The following SAMD12 variants were observed in gnomAD, a reference collection of about 807,000 sequenced individuals.
SAMD12 encodes the protein sterile alpha motif domain-containing protein 12.
Under a neutral mutation model 15.0 loss-of-function variants are expected in SAMD12, and 9 were observed. That is an observed-to-expected ratio of 0.60 (90% CI 0.36 to 1.05). The LOEUF (loss-of-function observed/expected upper bound fraction) is 1.05, where lower values mean the gene tolerates loss of function less well. SAMD12 is among the 50% of genes least tolerant of loss of function. The pLI is 0.01. For synonymous variants in SAMD12, 86 were observed against 90.1 expected (o/e 0.96, Z 0.25); for missense variants, 230 against 234.2 (o/e 0.98, Z 0.12).
intron 4 of SAMD12, among the ~76,000 whole-genome samples, chr8:118,302,540 G>A (rs1815103860): frequency 6.6e-6 from 1 of 152,162 alleles, no homozygotes; most frequent in Admixed American, 6.5e-5. Flanking sequence ...CATAATCCAT[G>A]TCCTGGTTCT....
chr8:118,205,676 C>A (rs1056857339), intron 4 of SAMD12, among the ~76,000 whole-genome samples: 11 of 152,188 alleles, frequency 7.2e-5, no homozygotes, highest in Admixed American at 3.9e-4. Context: ...GCCTCCACCC[C>A]CACCCTCTCA....
intron 2 of SAMD12, among the ~76,000 whole-genome samples, chr8:118,472,547 C>T (rs959352584): frequency 4.6e-5 from 7 of 151,848 alleles, no homozygotes; most frequent in African/African-American, 1.2e-4. Flanking sequence ...TGGCAGCCTG[C>T]GCCTGTATTC....
intron 4 of SAMD12, among the ~76,000 whole-genome samples, chr8:118,232,475 T>C (rs887627927): frequency 2.0e-5 from 3 of 151,880 alleles, no homozygotes; most frequent in Admixed American, 6.6e-5. Context: ...GAGGGCAAAG[T>C]TGGGGAATGG....
rs988108920 is a variant in SAMD12, at chr8:118,378,903, T to A, written c.*514A>T. ...ATATTGAAGTTATTTATAATTCCTG[T>A]TAAGAATTATATACTCTTAACAGTG... On this transcript the variant is annotated 3_prime_UTR_variant, in exon 4 of 4. Coordinates refer to ENST00000314727, the MANE Select transcript of SAMD12 (RefSeq NM_207506.3). The A allele has an allele frequency of 4.2e-6, 4 of 946,084 alleles. No individual in the cohort carries two copies. Among genetic ancestry groups the A allele is most frequent in the Non-Finnish European group, 5.0e-6 (4 of 794,116 alleles). The allele number at this position is 946,084 out of a possible 1,614,324, so 58.6% of individuals were successfully genotyped here.
intron 4 of SAMD12, among the ~76,000 whole-genome samples, chr8:118,344,973 T>C (rs1218163110): frequency 6.6e-6 from 1 of 152,184 alleles, no homozygotes; most frequent in Non-Finnish European, 1.5e-5. Flanking sequence ...TGTGCAGTGT[T>C]TATAAAGTGT....
At chr8:118,580,626 A>C in intron 2 of SAMD12, 89 bp downstream of exon 2, 1 of 861,282 alleles carries the variant, frequency 1.2e-6, no homozygotes, top group South Asian at 1.7e-5. Context: ...TAATTAGTGA[A>C]AGCACTATCA....
At chr8:118,483,486 C>G (rs1824187637) in intron 2 of SAMD12, among the ~76,000 whole-genome samples, 1 of 152,182 alleles carries the variant, frequency 6.6e-6, no homozygotes, top group Non-Finnish European at 1.5e-5. Context: ...TCATTCAACT[C>G]TTGCAGTACT....
At position 118,333,477 on chromosome 8, in the gene SAMD12, C is replaced by T. The variant is rs116094320; in HGVS notation, c.433+46083G>A. ...AGAAGGGATGTTCATGAATAGCTGA[C>T]GTTGATGTTAAAATATTCCCTAGTT... On this transcript the variant is annotated intron_variant, in intron 4 of 4. Transcript: ENST00000409003. 4.6e-3 allele frequency among the ~76,000 whole-genome samples: 699 copies of T among 152,062 alleles called. 5 individuals carry two copies. The highest frequency in any genetic ancestry group is 0.016 in the African/African-American group (657 of 41,486).
intron 4 of SAMD12, among the ~76,000 whole-genome samples, chr8:118,275,300 C>T (rs931959855): frequency 1.3e-5 from 2 of 152,106 alleles, no homozygotes; most frequent in African/African-American, 4.8e-5. Context: ...TTAGCTCTAT[C>T]AATTAAAAAA....
chr8:118,135,690 G>T, the SAMD12 span, among the ~76,000 whole-genome samples: 1 of 152,168 alleles, frequency 6.6e-6, no homozygotes, highest in Non-Finnish European at 1.5e-5. Context: ...CCATAGGCAT[G>T]TGCCAGCATG....
chr8:118,439,712 G>A, intron 3 of SAMD12, 120 bp downstream of exon 3: 2 of 928,804 alleles, frequency 2.2e-6, no homozygotes, highest in South Asian at 3.0e-5. Flanking sequence ...CCCTTTGGAA[G>A]TAAACCCATG....
chr8:118,583,055 T>A (rs1439281093), intron 1 of SAMD12, among the ~76,000 whole-genome samples: 2 of 152,164 alleles, frequency 1.3e-5, no homozygotes, highest in African/African-American at 4.8e-5. Context: ...CAAACCTCCT[T>A]CAAATTTTAT....
At chr8:118,486,402 A>T (rs1405819367) in intron 2 of SAMD12, among the ~76,000 whole-genome samples, 2 of 143,622 alleles carry the variant, frequency 1.4e-5, no homozygotes, top group Admixed American at 1.4e-4. Context: ...GGTGACAGAG[A>T]GAGAATCCGT....
intron 2 of SAMD12, among the ~76,000 whole-genome samples, chr8:118,442,325 T>C (rs1377184631): frequency 1.3e-5 from 2 of 152,172 alleles, no homozygotes; most frequent in Non-Finnish European, 2.9e-5. Context: ...AGCTTGCTAT[T>C]TAATCAGCAG....
chr8:118,367,228 G>C (rs1818848602), intron 4 of SAMD12, among the ~76,000 whole-genome samples: 1 of 152,034 alleles, frequency 6.6e-6, no homozygotes, highest in South Asian at 2.1e-4. Flanking sequence ...AAGTCCTAAA[G>C]CACACAGATG....
chr8:118,507,187 C>T (rs2131055555), intron 2 of SAMD12, among the ~76,000 whole-genome samples: 1 of 152,118 alleles, frequency 6.6e-6, no homozygotes, highest in East Asian at 1.9e-4. Context: ...CTTTCCAGTT[C>T]TGCTTGTACA....
At chr8:118,197,603 C>T in exon 5 of SAMD12, 1 of 969,746 alleles carries the variant, frequency 1.0e-6, no homozygotes, top group South Asian at 1.3e-5. Context: ...TTAATCTGTC[C>T]ACGATCCAAG....
chr8:118,546,054 T>C (rs1006194903), intron 2 of SAMD12, among the ~76,000 whole-genome samples: 2 of 152,180 alleles, frequency 1.3e-5, no homozygotes, highest in Non-Finnish European at 2.9e-5. Flanking sequence ...TTTAGAATAG[T>C]TCGTGGCACA....
chr8:118,267,701 T>TGTGTG (rs1813238606), intron 4 of SAMD12, among the ~76,000 whole-genome samples: 1 of 147,504 alleles, frequency 6.8e-6, no homozygotes, highest in Non-Finnish European at 1.5e-5. Flanking sequence ...TTCCCATCTG[T>TGTGTG]TGTGTGTGTG....
Sources: gnomAD v4.1 joint callset for allele counts (sites outside exome capture counted in the v4.1 genomes callset) on GRCh38, gnomAD v4.1.1 for gene constraint, MANE v1.5 for transcripts, NCBI Gene and HGNC (gene_info 2026-07-23, HGNC 2026-07-21) for gene names.